The following FBXO22 variants were observed in gnomAD, a reference collection of about 807,000 sequenced individuals.
The protein encoded by FBXO22 is F-box protein 22.
FBXO22 carries 13 observed loss-of-function variants against 37.2 expected under a neutral mutation model. The observed-to-expected ratio is 0.35, with a 90% confidence interval of 0.23 to 0.56. The LOEUF is 0.56. FBXO22 is among the 20% of genes least tolerant of loss of function. The pLI is 0.87. For missense variants in FBXO22, 446 were observed against 509.9 expected, an observed-to-expected ratio of 0.87 and a Z score of 1.21; for synonymous variants, 189 against 189.1, an observed-to-expected ratio of 1.00 and a Z score of 0.00.
At position 75,917,799 on chromosome 15, in the gene FBXO22, C is replaced by T. The variant is rs546348911; in HGVS notation, c.628+405C>T. On this transcript the variant is annotated intron_variant, in intron 5 of 6. Transcript: ENST00000308275. ...GCATTTTAGAAGTTTTTAGAATACG[C>T]GGGTTAGTTCTTTGTGAACTAATTA... 6.6e-5 allele frequency among the ~76,000 whole-genome samples: 10 copies of T among 152,102 alleles called. No individual in the cohort carries two copies. In the South Asian group the frequency reaches 1.7e-3, roughly 25 times the overall value.
chr15:75,920,501 A>G (rs777809909), intron 5 of FBXO22, among the ~76,000 whole-genome samples: 15 of 152,170 alleles, frequency 9.9e-5, no homozygotes, highest in Non-Finnish European at 1.8e-4. Context: ...TCTATATTCA[A>G]TTGGCTCATA....
chr15:75,929,325 T>G (rs1264296346), intron 5 of FBXO22, among the ~76,000 whole-genome samples: 4 of 149,598 alleles, frequency 2.7e-5, no homozygotes, highest in African/African-American at 7.7e-5. Flanking sequence ...AAAAAAAATT[T>G]TTTTTAAAGA....
At chr15:75,930,466 A>G in intron 6 of FBXO22, 1 of 992,440 alleles carries the variant, frequency 1.0e-6, no homozygotes, top group East Asian at 1.0e-4. Context: ...TGGAAGGAGA[A>G]TAGCATTACC....
chr15:75,921,328 T>C (rs1266941408), intron 5 of FBXO22, among the ~76,000 whole-genome samples: 1 of 152,190 alleles, frequency 6.6e-6, no homozygotes, highest in Non-Finnish European at 1.5e-5. Flanking sequence ...CTATATAGTT[T>C]ATAAACACTG....
Position 75,920,051 on chromosome 15 carries a change from C to G in FBXO22, c.628+2657C>G, listed in dbSNP as rs577598359. ...TAAAGCTATTCTAAATTAAGGATGC[C>G]AAACTTCCTTTGGGAAAAGGTCAGA... is the stretch of plus-strand genomic sequence containing the variant. On this transcript the variant is annotated intron_variant, in intron 5 of 6. Transcript: ENST00000308275. Among the ~76,000 whole-genome samples the G allele has an allele frequency of 3.3e-5, 5 of 152,222 alleles. No homozygotes were observed. The South Asian group carries it at 1.0e-3, about 32-fold the overall frequency.
chr15:75,917,262 C>G lies in FBXO22; in HGVS notation c.496C>G (p.Gln166Glu). ...AATGGGATCAGGTAGCAATCGACCT[C>G]AGGAAATAGAAATTGGAGAATCTGG... ...TPMGSGSNRPQEIEIGESGFA... is the reference protein window; with the variant it reads ...TPMGSGSNRPEEIEIGESGFA... Residue 166 changes from glutamine to glutamate, a missense_variant, in exon 5 of 7, where the codon CAG (glutamine) becomes GAG (glutamate). Physicochemically the swap from Gln to Glu is conservative, Grantham distance 29. This residue lies in a region of FBXO22 where 315 missense variants were observed against 410.1 expected (regional missense o/e 0.77). Coordinates refer to ENST00000308275, the MANE Select transcript of FBXO22 (RefSeq NM_147188.3). 5 of 1,612,724 alleles carry G rather than the reference C, an allele frequency of 3.1e-6. No individual in the cohort carries two copies. The highest frequency in any genetic ancestry group is 4.2e-6 in the Non-Finnish European group (5 of 1,179,510).
intron 5 of FBXO22, among the ~76,000 whole-genome samples, chr15:75,919,620 T>C (rs1900274346): frequency 6.6e-6 from 1 of 152,242 alleles, no homozygotes; most frequent in African/African-American, 2.4e-5. Context: ...GAAGATTAAA[T>C]GAAATGACTT....
At chr15:75,927,739 G>A (rs1327737479) in intron 5 of FBXO22, among the ~76,000 whole-genome samples, 6 of 152,098 alleles carry the variant, frequency 3.9e-5, no homozygotes, top group Non-Finnish European at 8.8e-5. Flanking sequence ...GTAGAGAATT[G>A]GAAATGGACC....
chr15:75,932,161 CTA>C (rs973978549), intron 6 of FBXO22, among the ~76,000 whole-genome samples: 1 of 152,192 alleles, frequency 6.6e-6, no homozygotes, highest in African/African-American at 2.4e-5. Context: ...CTGCAGTGAG[CTA>C]TGATTGTGCC....
intron 2 of FBXO22, among the ~76,000 whole-genome samples, chr15:75,910,774 C>A (rs1168166985): frequency 1.3e-5 from 2 of 152,154 alleles, no homozygotes; most frequent in Admixed American, 1.3e-4. Context: ...TTAATTAGCT[C>A]CTATTTGTCA....
At chr15:75,926,639 G>A (rs1263675796) in intron 5 of FBXO22, among the ~76,000 whole-genome samples, 1 of 152,196 alleles carries the variant, frequency 6.6e-6, no homozygotes, top group Non-Finnish European at 1.5e-5. Flanking sequence ...CTGAGCCAGA[G>A]GTTGAGGGCG....
chr15:75,919,134 AATT>A, intron 5 of FBXO22, among the ~76,000 whole-genome samples: 1 of 151,872 alleles, frequency 6.6e-6, no homozygotes, highest in East Asian at 1.9e-4. Context: ...ATGCCTGGCT[AATT>A]TTTTTTGTCT....
intron 5 of FBXO22, among the ~76,000 whole-genome samples, chr15:75,920,652 C>T (rs1900297910): frequency 6.6e-6 from 1 of 151,736 alleles, no homozygotes; most frequent in Admixed American, 6.6e-5. Flanking sequence ...TGAGACCTCA[C>T]CTCTACAAAA....
At chr15:75,905,115 G>T (rs542585015) in intron 2 of FBXO22, among the ~76,000 whole-genome samples, 48 of 152,068 alleles carry the variant, frequency 3.2e-4, no homozygotes, top group Middle Eastern at 3.4e-3. Flanking sequence ...GAGCCACCGC[G>T]CCCGGCATGT....
intron 2 of FBXO22, among the ~76,000 whole-genome samples, chr15:75,908,079 T>C (rs946024973): frequency 2.6e-5 from 4 of 152,240 alleles, no homozygotes; most frequent in African/African-American, 9.6e-5. Flanking sequence ...AGGCTTGTTA[T>C]GTCACTACTT....
At chr15:75,916,367 G>T (rs186777174) in intron 4 of FBXO22, among the ~76,000 whole-genome samples, 2 of 152,276 alleles carry the variant, frequency 1.3e-5, no homozygotes, top group East Asian at 3.9e-4. Context: ...TCCAAGATCG[G>T]GGATGGTCTC....
rs1261893848 is a variant in FBXO22, at chr15:75,913,256, C to A, written c.333C>A (p.Phe111Leu). Reference sequence around the variant, plus strand: ...TTTACATGGCTGATTCAGAAACTTTCATTAGTCTGGAAGAGTGTCGTGGCC... The same window carrying A: ...TTTACATGGCTGATTCAGAAACTTTAATTAGTCTGGAAGAGTGTCGTGGCC... ...TVLYMADSETFISLEECRGHK... is the reference protein window; with the variant it reads ...TVLYMADSETLISLEECRGHK... The change falls in exon 3 of 7, where the codon TTC (phenylalanine) becomes TTA (leucine). Residue 111 changes from phenylalanine to leucine, a missense_variant. By Grantham distance (22) the Phe-to-Leu change is conservative (BLOSUM62 0). This residue lies in a region of FBXO22 where 315 missense variants were observed against 410.1 expected (regional missense o/e 0.77). Transcript: ENST00000308275. 1.2e-6 allele frequency: 2 copies of A among 1,610,512 alleles called. No homozygotes were observed. Among genetic ancestry groups the A allele is most frequent in the African/African-American group, 2.7e-5 (2 of 74,754 alleles).
chr15:75,924,101 T>G (rs1225125256), intron 5 of FBXO22, among the ~76,000 whole-genome samples: 1 of 152,180 alleles, frequency 6.6e-6, no homozygotes, highest in Non-Finnish European at 1.5e-5. Context: ...ATATTGATTA[T>G]AGACAGTTGG....
At position 75,934,141 on chromosome 15, in the gene FBXO22, A is replaced by G. The variant is rs1247801425; in HGVS notation, c.*1039A>G. The G allele has an allele frequency of 6.6e-6, 1 of 152,220 alleles. No individual in the cohort carries two copies. Among genetic ancestry groups the G allele is most frequent in the Non-Finnish European group, 1.5e-5 (1 of 68,056 alleles). The allele number at this position is 152,220 out of a possible 1,614,324, so 9.4% of individuals were successfully genotyped here. The stretch of plus-strand genomic sequence containing the variant: ...TGCAGGTATGACTGTGTTCTGGACA[A>G]TGGAATGTGAGGGGAAACGATTTTT... On this transcript the variant is annotated 3_prime_UTR_variant, in exon 7 of 7. Coordinates refer to ENST00000308275, the MANE Select transcript of FBXO22 (RefSeq NM_147188.3).
Sources: gnomAD v4.1 joint callset for allele counts (sites outside exome capture counted in the v4.1 genomes callset) on GRCh38, gnomAD v4.1.1 for gene constraint, gnomAD v4.1.1 regional missense constraint, MANE v1.5 for transcripts, NCBI Gene and HGNC (gene_info 2026-07-23, HGNC 2026-07-21) for gene names.